Variants in PRKCH observed in about 807,000 individuals in gnomAD.
PRKCH encodes protein kinase C eta.
Under a neutral mutation model 82.5 loss-of-function variants are expected in PRKCH, and 28 were observed. The ratio of observed to expected loss-of-function variants is 0.34; its 90% CI spans 0.25 to 0.47. The LOEUF (loss-of-function observed/expected upper bound fraction) is 0.47. Ranked by LOEUF, PRKCH falls within the 20% of genes least tolerant of loss-of-function variation. The pLI, the probability that PRKCH is intolerant of heterozygous loss-of-function variation, is 1.00. For missense variants in PRKCH, 705 were observed against 881.8 expected (o/e 0.80, Z 2.54); for synonymous variants, 322 against 327.4 (o/e 0.98, Z 0.18).
chr14:61,402,234 G>T (rs7141535), intron 2 of PRKCH, among the ~76,000 whole-genome samples: 2,554 of 152,116 alleles, frequency 0.017, 78 homozygotes, highest in African/African-American at 0.058. Context: ...AATCATTTAT[G>T]GGTCAAGGAT....
intron 12 of PRKCH, among the ~76,000 whole-genome samples, chr14:61,541,563 TTGAA>T (rs2043185812): frequency 6.6e-6 from 1 of 152,206 alleles, no homozygotes; most frequent in African/African-American, 2.4e-5. Context: ...AGGTCTGAAA[TTGAA>T]TGAATGGAGA....
At chr14:61,198,886 G>A (rs1418211134) in intron 1 of PRKCH, among the ~76,000 whole-genome samples, 1 of 152,204 alleles carries the variant, frequency 6.6e-6, no homozygotes, top group African/African-American at 2.4e-5. Flanking sequence ...ATTCCCATGA[G>A]ATCCTCAGGC....
At chr14:61,222,619 A>G (rs1362836415) in intron 1 of PRKCH, among the ~76,000 whole-genome samples, 1 of 152,200 alleles carries the variant, frequency 6.6e-6, no homozygotes, top group African/African-American at 2.4e-5. Flanking sequence ...TGTGTGAATC[A>G]TTTGAGCTTT....
chr14:61,370,897 A>G (rs1030708650), intron 1 of PRKCH, among the ~76,000 whole-genome samples: 2 of 152,062 alleles, frequency 1.3e-5, no homozygotes, highest in South Asian at 2.1e-4. Flanking sequence ...AACTAGCGCA[A>G]AATGGGATGT....
chr14:61,308,544 C>T (rs1235678009), intron 1 of PRKCH, among the ~76,000 whole-genome samples: 2 of 152,214 alleles, frequency 1.3e-5, no homozygotes, highest in Non-Finnish European at 2.9e-5. Flanking sequence ...TTTTGTTATA[C>T]TCACCAGAGC....
At chr14:61,447,112 T>G (rs1884264095) in intron 4 of PRKCH, among the ~76,000 whole-genome samples, 1 of 152,192 alleles carries the variant, frequency 6.6e-6, no homozygotes, top group Non-Finnish European at 1.5e-5. Flanking sequence ...GCATAGGTAT[T>G]TCAGACAGAG....
At chr14:61,389,265 A>T (rs1442830813) in intron 1 of PRKCH, among the ~76,000 whole-genome samples, 1 of 151,638 alleles carries the variant, frequency 6.6e-6, no homozygotes, top group Non-Finnish European at 1.5e-5. Flanking sequence ...CAGGAAAATC[A>T]CTTGAACCCA....
intron 1 of PRKCH, among the ~76,000 whole-genome samples, chr14:61,389,787 T>A (rs1391002002): frequency 6.6e-6 from 1 of 152,162 alleles, no homozygotes; most frequent in Non-Finnish European, 1.5e-5. Context: ...GTAAAGGACC[T>A]TGCCCAGGGT....
At chr14:61,485,710 G>T (rs915373328) in intron 10 of PRKCH, 54 bp downstream of exon 10, 5 of 1,557,862 alleles carry the variant, frequency 3.2e-6, no homozygotes, top group Admixed American at 1.8e-5. Flanking sequence ...CCCTCTCCTG[G>T]TATGATCCAT....
intron 4 of PRKCH, among the ~76,000 whole-genome samples, 197 bp from the exon 5 acceptor site, chr14:61,448,967 G>A (rs748690472): frequency 1.3e-5 from 2 of 152,128 alleles, no homozygotes; most frequent in African/African-American, 4.8e-5. Flanking sequence ...GACTTGATAA[G>A]GGATAGTTTG....
At chr14:61,240,298 G>C (rs1185976484) in intron 1 of PRKCH, among the ~76,000 whole-genome samples, 1 of 152,196 alleles carries the variant, frequency 6.6e-6, no homozygotes, top group Non-Finnish European at 1.5e-5. Flanking sequence ...AAAGCAGTTG[G>C]TTATATTGGG....
chr14:61,201,467 C>G lies in PRKCH; in HGVS notation c.-19+13799C>G, dbSNP rs189450458. Among the ~76,000 whole-genome samples, 778 of 152,124 alleles carry G rather than the reference C, an allele frequency of 5.1e-3. 15 individuals carry two copies. Among genetic ancestry groups the G allele is most frequent in the African/African-American group, 0.017 (721 of 41,510 alleles). On this transcript the variant is annotated intron_variant, in intron 1 of 3. Coordinates refer to the PRKCH transcript ENST00000555185. ...TTATTTACACAATCATTATTATAAA[C>G]GCTTTTTTGATTTTTTAAAGAATTA...
In PRKCH at chr14:61,280,276, T is replaced by G. The variant is rs2045245250; in HGVS notation, c.-19+92608T>G. ...GTGGCCGCCGAACGCGCGCACCGGG[T>G]AGTTGTAGGTGATGTTGACGCGGTA... is the stretch of plus-strand genomic sequence containing the variant. On this transcript the variant is annotated intron_variant, in intron 1 of 3. Coordinates refer to the PRKCH transcript ENST00000555185. This position sits in a 1 kb window ranked among gnomAD's most constrained non-coding sequence, Gnocchi z 5.0. 1 of 1,613,568 alleles carries G rather than the reference T, an allele frequency of 6.2e-7. No homozygotes were observed. The highest frequency in any genetic ancestry group is 2.2e-5 in the East Asian group (1 of 44,834).
chr14:61,213,087 G>A (rs2044593919), intron 1 of PRKCH, among the ~76,000 whole-genome samples: 1 of 152,176 alleles, frequency 6.6e-6, no homozygotes, highest in Admixed American at 6.5e-5. Context: ...AGGAGGGGAG[G>A]AGGGCCCTTG....
intron 1 of PRKCH, among the ~76,000 whole-genome samples, chr14:61,224,510 G>T (rs1280983656): frequency 6.6e-6 from 1 of 152,130 alleles, no homozygotes; most frequent in East Asian, 1.9e-4. Flanking sequence ...CTCACATTTT[G>T]CCTGGTTTTG....
At chr14:61,431,765 A>T (rs1413911454) in intron 2 of PRKCH, among the ~76,000 whole-genome samples, 1 of 152,186 alleles carries the variant, frequency 6.6e-6, no homozygotes. Context: ...TTTCCTGGTA[A>T]AACCTTTTAT....
rs2043306903 is a variant in PRKCH, at chr14:61,549,999, A to G, written c.*168A>G. The G allele has an allele frequency of 3.0e-6, 2 of 669,894 alleles. No individual in the cohort carries two copies. The highest frequency in any genetic ancestry group is 4.9e-6 in the Non-Finnish European group (2 of 409,210). 41.5% of individuals were successfully genotyped at this position (669,894 alleles called of 1,614,324 possible). On this transcript the variant is annotated 3_prime_UTR_variant, in exon 14 of 14. Transcript: ENST00000332981. ...TGGAACTTTCAGATATCAACTATTT[A>G]GAGTCCAGAGGGAGCCATGGCACTA...
intron 10 of PRKCH, among the ~76,000 whole-genome samples, chr14:61,497,445 A>G (rs1381370939): frequency 6.6e-6 from 1 of 152,148 alleles, no homozygotes; most frequent in Admixed American, 6.5e-5. Context: ...GTTTGCTACC[A>G]CTTTTGGGAA....
At chr14:61,452,847 T>C in intron 6 of PRKCH, 1 of 227,886 alleles carries the variant, frequency 4.4e-6, no homozygotes, top group Non-Finnish European at 8.7e-6. Context: ...CAGAAAAAAA[T>C]ACAGTTGACA....
Sources: allele counts gnomAD v4.1 joint callset (sites outside exome capture counted in the v4.1 genomes callset), GRCh38; gene constraint gnomAD v4.1.1; non-coding constraint Gnocchi (gnomAD v3.1); transcripts MANE v1.5; gene names NCBI Gene and HGNC (gene_info 2026-07-23, HGNC 2026-07-21).